The following INTS4 variants were observed in gnomAD, a reference collection of about 807,000 sequenced individuals.
The protein encoded by INTS4 is MSTP093.
INTS4 carries 70 observed loss-of-function variants against 119.5 expected under a neutral mutation model. The ratio of observed to expected loss-of-function variants is 0.59; its 90% confidence interval spans 0.48 to 0.71. The LOEUF (loss-of-function observed/expected upper bound fraction) is 0.71, where lower values mean the gene tolerates loss of function less well. Among genes scored for constraint, INTS4 ranks in the 30% least tolerant of loss-of-function variants. INTS4 has a pLI of 0.00. For synonymous variants in INTS4, 316 were observed against 419.6 expected, an observed-to-expected ratio of 0.75 and a Z score of 3.02; for missense variants, 867 against 1,173.2, an observed-to-expected ratio of 0.74 and a Z score of 3.81.
intron 22 of INTS4, among the ~76,000 whole-genome samples, chr11:77,880,432 C>A (rs1249798158): frequency 6.6e-6 from 1 of 152,156 alleles, no homozygotes; most frequent in Non-Finnish European, 1.5e-5. Flanking sequence ...TCATCAAGTA[C>A]CAGCCATGTG....
At chr11:77,925,418 C>G (rs1043246819) in intron 11 of INTS4, among the ~76,000 whole-genome samples, 3 of 152,132 alleles carry the variant, frequency 2.0e-5, no homozygotes, top group Non-Finnish European at 4.4e-5. Context: ...TGAGCACATG[C>G]TATTGGAAAA....
chr11:77,985,694 C>A (rs1448063925), intron 2 of INTS4, among the ~76,000 whole-genome samples: 2 of 152,150 alleles, frequency 1.3e-5, no homozygotes, highest in East Asian at 3.8e-4. Flanking sequence ...AAGCCTGGCA[C>A]AGAGTAAGTA....
chr11:77,900,783 G>T, intron 18 of INTS4: 5 of 593,256 alleles, frequency 8.4e-6, no homozygotes, highest in Non-Finnish European at 1.5e-5. Context: ...ATGAAATGTG[G>T]CAATTCCAGT....
intron 10 of INTS4, among the ~76,000 whole-genome samples, chr11:77,935,006 A>G (rs190436731): frequency 6.6e-6 from 1 of 152,332 alleles, no homozygotes; most frequent in East Asian, 1.9e-4. Flanking sequence ...TAAAATGTGG[A>G]CAATCAACAT....
intron 4 of INTS4, among the ~76,000 whole-genome samples, chr11:77,972,891 G>GCTC (rs1414005088): frequency 2.0e-5 from 3 of 150,782 alleles, no homozygotes; most frequent in African/African-American, 7.3e-5. Flanking sequence ...TAGTGGAGTG[G>GCTC]CATAATCAAG....
intron 2 of INTS4, 135 bp downstream of exon 2, chr11:77,990,973 A>T: frequency 1.4e-6 from 1 of 711,742 alleles, no homozygotes; most frequent in Non-Finnish European, 2.3e-6. Flanking sequence ...CTCGGTATCC[A>T]TAGTACCTAG....
chr11:77,946,302 C>G (rs1954046300), intron 8 of INTS4, among the ~76,000 whole-genome samples: 1 of 152,158 alleles, frequency 6.6e-6, no homozygotes, highest in South Asian at 2.1e-4. Flanking sequence ...ACACCATACC[C>G]AACTAATACC....
rs1430594903 is a variant in INTS4 at position 77,878,723 on chromosome 11, G to A, written c.*226C>T. On this transcript the variant is annotated 3_prime_UTR_variant, in exon 23 of 23. Coordinates refer to ENST00000534064, the MANE Select transcript of INTS4 (RefSeq NM_033547.4). Reference sequence around the variant, plus strand: ...ACAGACCAGGAACTAGAACAGCTTGGTGTTTTCTCAACTTTATTGTGGACA... The same window carrying A: ...ACAGACCAGGAACTAGAACAGCTTGATGTTTTCTCAACTTTATTGTGGACA... 1.4e-6 allele frequency: 1 copy of A among 695,194 alleles called. No homozygotes were observed. Among genetic ancestry groups the A allele is most frequent in the Admixed American group, 2.1e-5 (1 of 47,370 alleles). The allele number at this position is 695,194 out of a possible 1,614,324, so 43.1% of individuals were successfully genotyped here. A position where few individuals can be genotyped will look rare whatever the true frequency, so the allele number is the denominator to read the frequency against.
rs761790544 is a variant in INTS4, at chr11:77,991,162, G to A, written c.192C>T (p.Val64=). The A allele has an allele frequency of 4.3e-6, 7 of 1,614,098 alleles. No homozygotes were observed. Among genetic ancestry groups the A allele is most frequent in the East Asian group, 2.2e-5 (1 of 44,872 alleles). The part of the protein sequence containing the change: ...QYLLQFARKP[V]EAESVEGVVR... Reference sequence around the variant, plus strand: ...CTACTCCCTCTACGCTTTCCGCCTCGACAGGCTTCCTGGCAAACTGGAGCA... The same window carrying A: ...CTACTCCCTCTACGCTTTCCGCCTCAACAGGCTTCCTGGCAAACTGGAGCA... The change falls in exon 2 of 23, where the codon GTC becomes GTT. Residue 64 remains valine (V), a synonymous_variant. Transcript: ENST00000534064.
chr11:77,898,491 GACAA>G (rs1952629727), intron 18 of INTS4, among the ~76,000 whole-genome samples: 1 of 152,134 alleles, frequency 6.6e-6, no homozygotes, highest in Non-Finnish European at 1.5e-5. Context: ...AGCAGTAAGA[GACAA>G]ACAAAAGCAT....
rs1856084910 is a variant in INTS4, at chr11:77,979,155, A to G, written c.365-53T>C. The G allele has an allele frequency of 5.1e-6, 5 of 987,642 alleles. No individual in the cohort carries two copies. In the Admixed American group the frequency reaches 8.6e-5, roughly 17 times the overall value. 61.2% of individuals were successfully genotyped at this position (987,642 alleles called of 1,614,324 possible). A position where few individuals can be genotyped will look rare whatever the true frequency, so the allele number is the denominator to read the frequency against. ...GTAGAATTTCGAAAGGGGTAACTAT[A>G]TAAACTAATTTACTTGGGTAAAGAA... On this transcript the variant is annotated intron_variant, in intron 3 of 22. Coordinates refer to ENST00000534064, the MANE Select transcript of INTS4 (RefSeq NM_033547.4).
rs1409447514 is a variant in INTS4 at position 77,991,314 on chromosome 11, GA to G, written c.55-16del. The G allele has an allele frequency of 6.3e-7, 1 of 1,597,890 alleles. No homozygotes were observed. Among genetic ancestry groups the G allele is most frequent in the South Asian group, 1.1e-5 (1 of 90,352 alleles). On this transcript the variant is annotated splice_polypyrimidine_tract_variant and intron_variant, in intron 1 of 22. Coordinates refer to ENST00000534064, the MANE Select transcript of INTS4 (RefSeq NM_033547.4). ...TCCTCCTGTGGCTGCAAGGGGTAGA[GA>G]AAATCGAAAACACAGAATCTGCAAA...
At chr11:77,923,250 G>A (rs1190257491) in intron 12 of INTS4, among the ~76,000 whole-genome samples, 3 of 150,708 alleles carry the variant, frequency 2.0e-5, no homozygotes, top group Admixed American at 6.6e-5. Flanking sequence ...CCTGGAAGGC[G>A]GAGGTTCAGT....
intron 7 of INTS4, among the ~76,000 whole-genome samples, chr11:77,957,858 G>A (rs992352499): frequency 1.3e-5 from 2 of 151,654 alleles, no homozygotes; most frequent in Admixed American, 6.6e-5. Flanking sequence ...TAGTAGAGAC[G>A]AGGTTTCACC....
intron 14 of INTS4, among the ~76,000 whole-genome samples, chr11:77,920,519 A>G (rs1483564576): frequency 6.6e-6 from 1 of 151,984 alleles, no homozygotes; most frequent in Non-Finnish European, 1.5e-5. Context: ...TTAAAAAATA[A>G]GCACTTGTGG....
At chr11:77,887,294 T>G (rs11607032) in intron 21 of INTS4, among the ~76,000 whole-genome samples, 30,932 of 152,010 alleles carry the variant, frequency 0.2, 3,174 homozygotes, top group Middle Eastern at 0.24. Context: ...ATGTAATCCA[T>G]CATATAAACA....
intron 11 of INTS4, among the ~76,000 whole-genome samples, chr11:77,927,171 G>T (rs1953527912): frequency 1.3e-5 from 2 of 152,154 alleles, no homozygotes; most frequent in African/African-American, 4.8e-5. Context: ...TAAAGTTCAA[G>T]GTGAGGAATG....
Position 77,991,099 on chromosome 11 carries a change from T to G in INTS4, c.246+9A>C. 8 of 1,611,800 alleles carry G rather than the reference T, an allele frequency of 5.0e-6. No homozygotes were observed. The highest frequency in any genetic ancestry group is 6.8e-6 in the Non-Finnish European group (8 of 1,178,006). Reference sequence around the variant, plus strand: ...ATATACTCCCATCAGATCCTCAAGATTTTCTTACCTTGTAATAATGTTCCA... The same window carrying G: ...ATATACTCCCATCAGATCCTCAAGAGTTTCTTACCTTGTAATAATGTTCCA... On this transcript the variant is annotated intron_variant, in intron 2 of 22. Coordinates refer to ENST00000534064, the MANE Select transcript of INTS4 (RefSeq NM_033547.4).
chr11:77,965,801 C>T (rs993464370), intron 4 of INTS4, among the ~76,000 whole-genome samples: 4 of 152,176 alleles, frequency 2.6e-5, no homozygotes, highest in Admixed American at 2.0e-4. Context: ...GTGCAAGCAT[C>T]CCTTCAACAT....
Sources: gnomAD v4.1 joint callset for allele counts (sites outside exome capture counted in the v4.1 genomes callset) on GRCh38, gnomAD v4.1.1 for gene constraint, MANE v1.5 for transcripts, NCBI Gene and HGNC (gene_info 2026-07-23, HGNC 2026-07-21) for gene names.